The following LPP variants were observed in gnomAD, a reference collection of about 807,000 sequenced individuals.
The protein encoded by LPP is lipoma-preferred partner.
LPP carries 38 observed loss-of-function variants against 60.4 expected under a neutral mutation model. The observed-to-expected ratio is 0.63, with a 90% CI of 0.49 to 0.83. The LOEUF (loss-of-function observed/expected upper bound fraction) is 0.83. Ranked by LOEUF, LPP falls within the 40% of genes least tolerant of loss-of-function variation. LPP has a pLI of 0.00. For missense variants in LPP, 902 were observed against 783.6 expected (o/e 1.15, Z -1.80); for synonymous variants, 328 against 290.8 (o/e 1.13, Z -1.30).
At chr3:188,420,577 C>T (rs1787524305) in intron 4 of LPP, among the ~76,000 whole-genome samples, 1 of 152,108 alleles carries the variant, frequency 6.6e-6, no homozygotes. Flanking sequence ...TTAAGCCAGT[C>T]TCCTGAAATT....
intron 6 of LPP, among the ~76,000 whole-genome samples, chr3:188,528,717 C>G (rs1433775030): frequency 6.6e-6 from 1 of 152,132 alleles, no homozygotes; most frequent in Non-Finnish European, 1.5e-5. Flanking sequence ...TTAATGGTTT[C>G]TCCTTGGCCA....
intron 1 of LPP, among the ~76,000 whole-genome samples, chr3:188,173,210 C>T (rs942664088): frequency 6.6e-6 from 1 of 152,110 alleles, no homozygotes; most frequent in African/African-American, 2.4e-5. Flanking sequence ...TATAGAAAAG[C>T]CTATTACAGG....
chr3:188,735,574 G>A (rs945529341), intron 8 of LPP, among the ~76,000 whole-genome samples: 1 of 151,816 alleles, frequency 6.6e-6, no homozygotes, highest in African/African-American at 2.4e-5. Context: ...ATTAGAGATG[G>A]GGTTTCACCA....
intron 3 of LPP, among the ~76,000 whole-genome samples, chr3:188,374,521 G>T (rs1314355954): frequency 2.0e-5 from 3 of 152,104 alleles, no homozygotes; most frequent in Non-Finnish European, 4.4e-5. Context: ...TCTGTTATTG[G>T]TGTATAAGAA....
At chr3:188,873,688 A>T (rs1455676793) in intron 11 of LPP, among the ~76,000 whole-genome samples, 1 of 152,084 alleles carries the variant, frequency 6.6e-6, no homozygotes, top group African/African-American at 2.4e-5. Context: ...GTGTGCATTG[A>T]GGCAGACTGT....
intron 4 of LPP, among the ~76,000 whole-genome samples, chr3:188,439,758 A>G (rs1793309232): frequency 6.6e-6 from 1 of 152,230 alleles, no homozygotes; most frequent in African/African-American, 2.4e-5. Flanking sequence ...CAGTACAGAC[A>G]TGGTAGCTGC....
intron 6 of LPP, among the ~76,000 whole-genome samples, chr3:188,574,735 A>G (rs1456668705): frequency 6.6e-6 from 1 of 151,942 alleles, no homozygotes; most frequent in East Asian, 1.9e-4. Context: ...TGTGGGGGCT[A>G]AGGGGGGTGT....
intron 10 of LPP, among the ~76,000 whole-genome samples, chr3:188,871,721 C>T (rs929841356): frequency 6.6e-6 from 1 of 151,982 alleles, no homozygotes; most frequent in Non-Finnish European, 1.5e-5. Context: ...AATAATATGT[C>T]ATTTCATACC....
At chr3:188,494,319 T>C (rs985182989) in intron 5 of LPP, among the ~76,000 whole-genome samples, 3 of 152,270 alleles carry the variant, frequency 2.0e-5, no homozygotes, top group Middle Eastern at 3.4e-3. Flanking sequence ...CCAGCGCTTA[T>C]GTATATTGAT....
intron 7 of LPP, among the ~76,000 whole-genome samples, chr3:188,641,064 CA>C (rs1850015367): frequency 6.6e-6 from 1 of 151,914 alleles, no homozygotes; most frequent in Non-Finnish European, 1.5e-5. Flanking sequence ...GGTACATTTG[CA>C]GTGGATTTTT....
intron 8 of LPP, among the ~76,000 whole-genome samples, chr3:188,733,037 C>T (rs1004117137): frequency 3.9e-5 from 6 of 151,904 alleles, no homozygotes; most frequent in African/African-American, 1.5e-4. Context: ...ATGTGCAGGT[C>T]GAACTCAGTG....
chr3:188,510,228 A>G (rs1470372218), intron 5 of LPP, among the ~76,000 whole-genome samples: 8 of 152,190 alleles, frequency 5.3e-5, no homozygotes, highest in Admixed American at 5.2e-4. Context: ...TGCCTCCTTT[A>G]GACTTTCTTC....
At chr3:188,770,204 G>A (rs184951253) in intron 9 of LPP, among the ~76,000 whole-genome samples, 2,775 of 138,506 alleles carry the variant, frequency 0.02, 46 homozygotes, top group Non-Finnish European at 0.03. Context: ...TCCGAGACGG[G>A]GTCTTGCTCT....
At chr3:188,640,562 A>C (rs894651173) in intron 7 of LPP, among the ~76,000 whole-genome samples, 20 of 150,996 alleles carry the variant, frequency 1.3e-4, no homozygotes, top group African/African-American at 4.9e-4. Flanking sequence ...AAAAAAAAAA[A>C]GAAACAGATC....
intron 3 of LPP, among the ~76,000 whole-genome samples, chr3:188,399,002 T>C (rs1781606896): frequency 6.6e-6 from 1 of 152,224 alleles, no homozygotes; most frequent in African/African-American, 2.4e-5. Flanking sequence ...TCACGGGTGA[T>C]ATCGAATCTG....
At chr3:188,721,549 G>T (rs1216422043) in intron 8 of LPP, among the ~76,000 whole-genome samples, 1 of 152,086 alleles carries the variant, frequency 6.6e-6, no homozygotes, top group Non-Finnish European at 1.5e-5. Flanking sequence ...GTAACAGTCT[G>T]TCTCAACAAA....
At chr3:188,630,637 A>T (rs1436137506) in intron 7 of LPP, among the ~76,000 whole-genome samples, 1 of 152,184 alleles carries the variant, frequency 6.6e-6, no homozygotes, top group Non-Finnish European at 1.5e-5. Context: ...AAGGAATATA[A>T]ATTGTTCTAT....
At chr3:188,626,065 CCTGAAGCTTTGAA>C in intron 7 of LPP, among the ~76,000 whole-genome samples, 2 of 152,064 alleles carry the variant, frequency 1.3e-5, no homozygotes, top group Middle Eastern at 3.4e-3. Context: ...TTTTATGAAA[CCTGAAGCTTTGAA>C]GCTTATCACT....
At chr3:188,500,874 A>G (rs112432735) in intron 5 of LPP, among the ~76,000 whole-genome samples, 3,097 of 152,164 alleles carry the variant, frequency 0.02, 32 homozygotes, top group Non-Finnish European at 0.032. Flanking sequence ...TTATTTCTGT[A>G]GAATTGTTAG....
Sources: gnomAD v4.1 joint callset for allele counts (sites outside exome capture counted in the v4.1 genomes callset) on GRCh38, gnomAD v4.1.1 for gene constraint, MANE v1.5 for transcripts, NCBI Gene and HGNC (gene_info 2026-07-23, HGNC 2026-07-21) for gene names.